Variants in SCAPER observed in about 807,000 individuals in gnomAD.
SCAPER encodes the protein S-phase cyclin A associated protein in the ER, also known as S phase cyclin A-associated protein in the endoplasmic reticulum.
Under a neutral mutation model 182.2 loss-of-function variants are expected in SCAPER, and 98 were observed. The ratio of observed to expected loss-of-function variants is 0.54; its 90% CI spans 0.46 to 0.64. The LOEUF (loss-of-function observed/expected upper bound fraction) is 0.64, where lower values mean the gene tolerates loss of function less well. Among genes scored for constraint, SCAPER ranks in the 30% least tolerant of loss-of-function variants. The pLI, the probability that SCAPER is intolerant of heterozygous loss-of-function variation, is 0.00. For synonymous variants in SCAPER, 605 were observed against 564.6 expected (o/e 1.07, Z -1.01); for missense variants, 1,432 against 1,690.0 (o/e 0.85, Z 2.68).
At position 76,351,250 on chromosome 15, in the gene SCAPER, A is replaced by G. The variant is rs957629709; in HGVS notation, c.4086T>C (p.Pro1362=). 2.5e-6 allele frequency: 4 copies of G among 1,610,446 alleles called. No homozygotes were observed. The African/African-American group carries it at 5.3e-5, about 22-fold the overall frequency. Residue 1362 remains proline (P), a synonymous_variant, in exon 31 of 32, where the codon CCT becomes CCC. Coordinates refer to ENST00000563290, the MANE Select transcript of SCAPER (RefSeq NM_020843.4). ...AQTPGQAENQ[P]YQPKGKCLGS... ...ATAGAGACATACCTTTGGGTTGGTA[A>G]GGCTGGTTTTCCGCTTGACCTGGAG...
chr15:76,615,490 C>G (rs1027547668), intron 22 of SCAPER, among the ~76,000 whole-genome samples: 1 of 84,200 alleles, frequency 1.2e-5, no homozygotes, highest in Admixed American at 1.6e-4. Flanking sequence ...CACACACACA[C>G]AGACACACAC....
intron 8 of SCAPER, among the ~76,000 whole-genome samples, chr15:76,791,981 C>T (rs2151455055): frequency 6.6e-6 from 1 of 150,652 alleles, no homozygotes; most frequent in South Asian, 2.1e-4. Flanking sequence ...AGATCACCCT[C>T]TCCTTTGGGA....
chr15:76,900,342 T>TAAAAAAA (rs56677318), intron 1 of SCAPER, among the ~76,000 whole-genome samples: 8 of 59,082 alleles, frequency 1.4e-4, no homozygotes, highest in Non-Finnish European at 2.5e-4. Context: ...CAATAAATAC[T>TAAAAAAA]AAAAAAAAAA....
intron 22 of SCAPER, among the ~76,000 whole-genome samples, chr15:76,604,340 T>C (rs1393028501): frequency 8.3e-6 from 1 of 120,600 alleles, no homozygotes; most frequent in East Asian, 2.2e-4. Flanking sequence ...GCTGTAGATA[T>C]GCGGCATTAT....
At chr15:76,711,434 C>G (rs2059558121) in intron 17 of SCAPER, among the ~76,000 whole-genome samples, 1 of 152,104 alleles carries the variant, frequency 6.6e-6, no homozygotes, top group African/African-American at 2.4e-5. Flanking sequence ...TGTTCAACAG[C>G]ACCAGTCATT....
intron 23 of SCAPER, among the ~76,000 whole-genome samples, chr15:76,533,978 T>C (rs1039694275): frequency 6.6e-6 from 1 of 152,234 alleles, no homozygotes; most frequent in African/African-American, 2.4e-5. Flanking sequence ...CTTCAGCCAC[T>C]ATGATTGTAA....
chr15:76,612,251 T>C (rs1431208985), intron 22 of SCAPER, among the ~76,000 whole-genome samples: 1 of 152,188 alleles, frequency 6.6e-6, no homozygotes, highest in Non-Finnish European at 1.5e-5. Flanking sequence ...TTTTGCTTTT[T>C]TTTGAGACAG....
intron 1 of SCAPER, among the ~76,000 whole-genome samples, chr15:76,897,580 A>C (rs1287960394): frequency 6.6e-6 from 1 of 152,066 alleles, no homozygotes; most frequent in Non-Finnish European, 1.5e-5. Flanking sequence ...GGTGGTATGC[A>C]CCTGAAGTCC....
At chr15:76,383,699 T>A (rs1266630131) in intron 27 of SCAPER, among the ~76,000 whole-genome samples, 1 of 152,134 alleles carries the variant, frequency 6.6e-6, no homozygotes, top group Non-Finnish European at 1.5e-5. Flanking sequence ...TCATACAAAT[T>A]TTTAGTGGCA....
intron 21 of SCAPER, among the ~76,000 whole-genome samples, chr15:76,654,350 G>A (rs1483537364): frequency 6.6e-6 from 1 of 152,036 alleles, no homozygotes; most frequent in Non-Finnish European, 1.5e-5. Context: ...GGAGCTTGCA[G>A]TGAGCCGAGA....
At chr15:76,378,678 TA>T (rs1419329418) in intron 28 of SCAPER, among the ~76,000 whole-genome samples, 1 of 152,162 alleles carries the variant, frequency 6.6e-6, no homozygotes, top group African/African-American at 2.4e-5. Context: ...ACCAATAAAG[TA>T]TGGTTGATAG....
intron 23 of SCAPER, among the ~76,000 whole-genome samples, chr15:76,544,550 G>T (rs1055013345): frequency 3.3e-5 from 5 of 152,126 alleles, no homozygotes; most frequent in African/African-American, 1.2e-4. Flanking sequence ...TAATGTGAAA[G>T]AAGCCAGTCA....
chr15:76,373,143 G>A (rs550331635), intron 29 of SCAPER, among the ~76,000 whole-genome samples: 5 of 150,892 alleles, frequency 3.3e-5, no homozygotes, highest in East Asian at 3.9e-4. Context: ...CGCCTCCCAC[G>A]TTCAAGCAAT....
chr15:76,687,004 T>C (rs757326042), intron 20 of SCAPER, among the ~76,000 whole-genome samples: 1 of 152,096 alleles, frequency 6.6e-6, no homozygotes, highest in Non-Finnish European at 1.5e-5. Context: ...AGGCATTAAA[T>C]AGGAAAGAGG....
intron 1 of SCAPER, among the ~76,000 whole-genome samples, chr15:76,903,330 C>T (rs2074903910): frequency 6.6e-6 from 1 of 152,184 alleles, no homozygotes; most frequent in Admixed American, 6.5e-5. Context: ...TTGACCTGAA[C>T]AACCAAGTGA....
intron 23 of SCAPER, among the ~76,000 whole-genome samples, chr15:76,513,117 CTT>C (rs2042173750): frequency 6.6e-6 from 1 of 152,190 alleles, no homozygotes; most frequent in South Asian, 2.1e-4. Context: ...CCCATTCTCT[CTT>C]GTCTGCAAGC....
chr15:76,629,150 G>A (rs1567643821), intron 21 of SCAPER, among the ~76,000 whole-genome samples: 1 of 152,220 alleles, frequency 6.6e-6, no homozygotes. Context: ...AGCTTAAGAA[G>A]CTTTTGGGCT....
At chr15:76,736,453 T>C (rs901727454) in intron 15 of SCAPER, among the ~76,000 whole-genome samples, 1 of 152,222 alleles carries the variant, frequency 6.6e-6, no homozygotes, top group African/African-American at 2.4e-5. Context: ...TTTGATAGCA[T>C]TTTACCCATA....
chr15:76,397,080 A>G (rs1312851812), intron 27 of SCAPER, among the ~76,000 whole-genome samples: 1 of 151,482 alleles, frequency 6.6e-6, no homozygotes, highest in Non-Finnish European at 1.5e-5. Context: ...CATGTCCTGA[A>G]ATGATCATTT....
Sources: allele counts gnomAD v4.1 joint callset (sites outside exome capture counted in the v4.1 genomes callset), GRCh38; gene constraint gnomAD v4.1.1; transcripts MANE v1.5; gene names NCBI Gene and HGNC (gene_info 2026-07-23, HGNC 2026-07-21).